OVCH2: variants seen among roughly 807,000 people sequenced by gnomAD.
OVCH2 encodes ovochymase 2.
Under a neutral mutation model 73.7 loss-of-function variants are expected in OVCH2, and 88 were observed. That is an observed-to-expected ratio of 1.19 (90% CI 1.01 to 1.43). OVCH2 has a LOEUF of 1.43. Ranked by LOEUF, OVCH2 falls within the 40% of genes most tolerant of loss-of-function variation. OVCH2 has a pLI of 0.00. For missense variants in OVCH2, 706 were observed against 674.5 expected, an observed-to-expected ratio of 1.05 and a Z score of -0.52; for synonymous variants, 265 against 234.5, an observed-to-expected ratio of 1.13 and a Z score of -1.19.
Position 7,703,601 on chromosome 11 carries a change from A to G in OVCH2, c.290+97T>C, listed in dbSNP as rs1036639242. 3 of 970,884 alleles carry G rather than the reference A, an allele frequency of 3.1e-6. No homozygotes were observed. In the African/African-American group the frequency reaches 5.1e-5, roughly 16 times the overall value. 60.1% of individuals were successfully genotyped at this position (970,884 alleles called of 1,614,324 possible). ...TCATCTGTTAAACCAATACTCACCT[A>G]TCACACAGGTCCATGTTTTAATAGG... On this transcript the variant is annotated intron_variant, in intron 3 of 15. Coordinates refer to ENST00000533663, the MANE Select transcript of OVCH2 (RefSeq NM_198185.7).
intron 13 of OVCH2, among the ~76,000 whole-genome samples, chr11:7,691,676 A>G (rs1856223973): frequency 6.6e-6 from 1 of 152,058 alleles, no homozygotes; most frequent in Non-Finnish European, 1.5e-5. Context: ...TCTGACTCCT[A>G]GTTTCCTCAT....
chr11:7,701,041 A>C (rs905475227), intron 6 of OVCH2, among the ~76,000 whole-genome samples: 2 of 152,098 alleles, frequency 1.3e-5, no homozygotes, highest in Non-Finnish European at 2.9e-5. Flanking sequence ...TGGTACTCCT[A>C]ACCCTTCTTT....
At chr11:7,684,146 T>C in the OVCH2 span, among the ~76,000 whole-genome samples, 2 of 152,130 alleles carry the variant, frequency 1.3e-5, no homozygotes, top group Non-Finnish European at 2.9e-5. Context: ...TATACCTGGA[T>C]ACCTGGATGA....
At chr11:7,685,538 T>C (rs566294278), downstream of OVCH2, among the ~76,000 whole-genome samples, 2 of 151,102 alleles carry the variant, frequency 1.3e-5, no homozygotes, top group South Asian at 2.1e-4. Flanking sequence ...TTTTAGAAAA[T>C]TTTCCTTAGG....
chr11:7,690,066 G>A, intron 14 of OVCH2, 53 bp from the exon 15 acceptor site: 1 of 1,254,334 alleles, frequency 8.0e-7, no homozygotes, highest in Non-Finnish European at 1.1e-6. Flanking sequence ...AGCCAGGGTT[G>A]GAGATTTATC....
chr11:7,695,476 G>T (rs1018685569), intron 11 of OVCH2, 94 bp downstream of exon 11: 2 of 1,267,834 alleles, frequency 1.6e-6, no homozygotes, highest in Admixed American at 2.3e-5. Flanking sequence ...GTTGGGCCTT[G>T]GGAGAGGGAT....
downstream of OVCH2, among the ~76,000 whole-genome samples, chr11:7,687,264 A>G (rs1856152178): frequency 2.0e-5 from 3 of 151,664 alleles, no homozygotes; most frequent in Middle Eastern, 3.4e-3. Flanking sequence ...TCAAAAAAAT[A>G]TGATGTTACC....
chr11:7,684,718 A>T (rs943012357), downstream of OVCH2, among the ~76,000 whole-genome samples: 33 of 152,172 alleles, frequency 2.2e-4, no homozygotes, highest in Non-Finnish European at 4.4e-5. Flanking sequence ...TAGTCTAAGC[A>T]GATTTCAGAC....
chr11:7,704,639 G>T lies in OVCH2; in HGVS notation c.124C>A (p.Pro42Thr), dbSNP rs1856500974. 5 of 1,612,348 alleles carry T rather than the reference G, an allele frequency of 3.1e-6. No individual in the cohort carries two copies. Among genetic ancestry groups the T allele is most frequent in the Non-Finnish European group, 4.2e-6 (5 of 1,179,286 alleles). The change falls in exon 2 of 16, where the codon CCT (proline) becomes ACT (threonine). Residue 42 changes from proline to threonine, a missense_variant. Physicochemically the swap from Pro to Thr is conservative, Grantham distance 38. Transcript: ENST00000533663. The part of the protein sequence containing the change: ...SCGQSLVKVQ[P>T]WNYFNIFSRI... Reference sequence around the variant, plus strand: ...CTGAAAATGTTAAAATAATTCCAAGGCTGTACCTTAACCAGACTCTGCCCA... The same window carrying T: ...CTGAAAATGTTAAAATAATTCCAAGTCTGTACCTTAACCAGACTCTGCCCA...
At chr11:7,701,654 T>G in intron 5 of OVCH2, 62 bp downstream of exon 5, 1 of 1,528,226 alleles carries the variant, frequency 6.5e-7, no homozygotes, top group African/African-American at 1.4e-5. Context: ...AAATTCCATT[T>G]TCTGATTGCC....
the OVCH2 span, among the ~76,000 whole-genome samples, chr11:7,683,835 A>C: frequency 6.6e-6 from 1 of 152,026 alleles, no homozygotes; most frequent in Non-Finnish European, 1.5e-5. Context: ...TATTATCTGC[A>C]TAGCCTTTGC....
chr11:7,683,180 A>T, the OVCH2 span, among the ~76,000 whole-genome samples: 6,404 of 152,292 alleles, frequency 0.042, 248 homozygotes, highest in African/African-American at 0.095. Context: ...CTCCACATTC[A>T]TATATCCAAC....
At chr11:7,683,403 G>C in the OVCH2 span, among the ~76,000 whole-genome samples, 25 of 152,260 alleles carry the variant, frequency 1.6e-4, no homozygotes, top group East Asian at 4.4e-3. Context: ...GATCCTGTTG[G>C]TTTTTTCTTG....
intron 8 of OVCH2, 176 bp from the exon 9 acceptor site, chr11:7,696,975 C>T: frequency 1.7e-6 from 1 of 601,038 alleles, no homozygotes; most frequent in Non-Finnish European, 2.9e-6. Context: ...CTTTTAGATC[C>T]TGCTTAACCT....
At position 7,706,354 on chromosome 11, in the gene OVCH2, A is replaced by G; in HGVS notation, c.41T>C (p.Ile14Thr). The change falls in exon 1 of 16, where the codon ATA (isoleucine) becomes ACA (threonine). Residue 14 changes from isoleucine to threonine, a missense_variant. Coordinates refer to ENST00000533663, the MANE Select transcript of OVCH2 (RefSeq NM_198185.7). ...SRNKLILLLG[I>T]VFFERGKSAT... ...AGATTTACCTCGTTCAAAAAAGACT[A>G]TTCCTAGTAGTAAAATCAGCTTGTT... The G allele has an allele frequency of 2.5e-6, 4 of 1,589,382 alleles. No homozygotes were observed. Among genetic ancestry groups the G allele is most frequent in the Non-Finnish European group, 3.4e-6 (4 of 1,166,230 alleles).
chr11:7,704,715 C>G, intron 1 of OVCH2, 41 bp from the exon 2 acceptor site: 1 of 1,384,192 alleles, frequency 7.2e-7, no homozygotes, highest in Non-Finnish European at 1.0e-6. Flanking sequence ...TAGATAGCTT[C>G]TAGGATTGAG....
At chr11:7,678,919 A>C in the OVCH2 span, among the ~76,000 whole-genome samples, 1 of 152,360 alleles carries the variant, frequency 6.6e-6, no homozygotes, top group South Asian at 2.1e-4. Context: ...AAACCTGTGC[A>C]TGCACCCTCT....
chr11:7,705,359 A>G (rs1048975878), intron 1 of OVCH2: 5 of 152,194 alleles, frequency 3.3e-5, no homozygotes, highest in African/African-American at 1.2e-4. Context: ...TGAACTACTC[A>G]AGGGAAAAAA....
intron 12 of OVCH2, among the ~76,000 whole-genome samples, chr11:7,694,423 C>T (rs1430642779): frequency 1.3e-5 from 2 of 152,124 alleles, no homozygotes; most frequent in Non-Finnish European, 2.9e-5. Flanking sequence ...CAGCGATTCC[C>T]TGAGCCTGTT....
Sources: gnomAD v4.1 joint callset for allele counts (sites outside exome capture counted in the v4.1 genomes callset) on GRCh38, gnomAD v4.1.1 for gene constraint, MANE v1.5 for transcripts, NCBI Gene and HGNC (gene_info 2026-07-23, HGNC 2026-07-21) for gene names.